The following VAT1 variants were observed in gnomAD, a reference collection of about 807,000 sequenced individuals.
The protein encoded by VAT1 is NADPH-dependent quinone oxidoreductase VAT1.
VAT1 carries 24 observed loss-of-function variants against 33.3 expected under a neutral mutation model. The ratio of observed to expected loss-of-function variants is 0.72; its 90% CI spans 0.52 to 1.01. VAT1 has a LOEUF of 1.01. Among genes scored for constraint, VAT1 ranks in the 50% least tolerant of loss-of-function variants. The pLI is 0.00. For missense variants in VAT1, 436 were observed against 533.7 expected, an observed-to-expected ratio of 0.82 and a Z score of 1.80; for synonymous variants, 212 against 225.0, an observed-to-expected ratio of 0.94 and a Z score of 0.52.
Position 43,016,467 on chromosome 17 carries a change from GC to G in VAT1, c.937del (p.Ala313LeufsTer59). The G allele has an allele frequency of 6.2e-7, 1 of 1,614,224 alleles. No homozygotes were observed. The highest frequency in any genetic ancestry group is 8.5e-7 in the Non-Finnish European group (1 of 1,180,044). ...CCGGTTGGCCTGCAGCAGCTGCAGAGCTGTCACGCTGAACTGATTCCACCAT... is the reference window on the plus strand; with the variant it reads ...CCGGTTGGCCTGCAGCAGCTGCAGAGTGTCACGCTGAACTGATTCCACCAT... Reference protein sequence around the residue: ...RTWWNQFSVTALQLLQANRAV... With the variant: ...RTWWNQFSVTXLQLLQANRAV... On this transcript the variant is annotated frameshift_variant, in exon 5 of 6. Coordinates refer to ENST00000355653, the MANE Select transcript of VAT1 (RefSeq NM_006373.4). LOFTEE classifies it high-confidence loss of function.
At chr17:43,020,245 C>T (rs2050555315) in intron 1 of VAT1, 1 of 985,340 alleles carries the variant, frequency 1.0e-6, no homozygotes, top group Non-Finnish European at 1.2e-6. Flanking sequence ...AAGGGCCCTC[C>T]CCGCAGAATC....
In VAT1 at chr17:43,016,398, T is replaced by C. The variant is rs1398928872; in HGVS notation, c.1007A>G (p.Glu336Gly). The C allele has an allele frequency of 3.7e-6, 6 of 1,613,878 alleles. No individual in the cohort carries two copies. Among genetic ancestry groups the C allele is most frequent in the Non-Finnish European group, 5.1e-6 (6 of 1,180,022 alleles). Residue 336 changes from glutamate (E) to glycine (G), a missense_variant, in exon 5 of 6, where the codon GAG (glutamate) becomes GGG (glycine). This residue lies in a region of VAT1 where 282 missense variants were observed against 405.4 expected (regional missense o/e 0.70). Transcript: ENST00000355653. ...FHLGYLDGEV[E>G]LVSGVVARLL... ...GCGGGCCACCACACCACTGACCAGC[T>C]CCACCTCACCATCCAGGTAGCCCAG... is the stretch of plus-strand genomic sequence containing the variant.
At chr17:43,020,979 GCT>G (rs2050562358) in intron 1 of VAT1, among the ~76,000 whole-genome samples, 1 of 151,970 alleles carries the variant, frequency 6.6e-6, no homozygotes, top group South Asian at 2.1e-4. Flanking sequence ...ATCATTTTGA[GCT>G]CTCTGGTGTC....
In VAT1 at chr17:43,020,569, G is replaced by A. The variant is rs144246732; in HGVS notation, c.387+1367C>T. On this transcript the variant is annotated intron_variant, in intron 1 of 5. Transcript: ENST00000355653. ...CTGCATCTGTGGGGCCTCTCATTGA[G>A]GGGTCTGATTTAAAAAGGAAACTCC... Among the ~76,000 whole-genome samples the A allele has an allele frequency of 4.6e-5, 7 of 152,160 alleles. No individual in the cohort carries two copies. The East Asian group carries it at 1.4e-3, about 29-fold the overall frequency.
intron 2 of VAT1, 138 bp from the exon 3 acceptor site, chr17:43,018,344 T>C: frequency 7.1e-6 from 8 of 1,130,516 alleles, no homozygotes; most frequent in Non-Finnish European, 9.9e-6. Context: ...TTTCCATGAC[T>C]GAGAAGTGGT....
At chr17:43,020,700 A>G (rs1211556339) in intron 1 of VAT1, among the ~76,000 whole-genome samples, 1 of 151,952 alleles carries the variant, frequency 6.6e-6, no homozygotes, top group Non-Finnish European at 1.5e-5. Flanking sequence ...CGACATGGAG[A>G]AACCCATCTC....
intron 1 of VAT1, among the ~76,000 whole-genome samples, chr17:43,020,895 AG>A (rs1213891380): frequency 2.7e-5 from 4 of 148,978 alleles, no homozygotes; most frequent in Admixed American, 6.6e-5. Context: ...AAAAAAAAAA[AG>A]AAAAAGAAAA....
intron 4 of VAT1, 41 bp downstream of exon 4, chr17:43,017,800 T>A: frequency 1.3e-6 from 2 of 1,577,148 alleles, no homozygotes; most frequent in Non-Finnish European, 1.7e-6. Context: ...CCCTCCCTCC[T>A]GCCCTCACAT....
chr17:43,021,975 A>T lies in VAT1; in HGVS notation c.348T>A (p.Gly116=), dbSNP rs749475602. 2 of 1,609,812 alleles carry T rather than the reference A, an allele frequency of 1.2e-6. No individual in the cohort carries two copies. The highest frequency in any genetic ancestry group is 4.5e-5 in the East Asian group (2 of 44,814). Residue 116 remains glycine, a synonymous_variant, in exon 1 of 6, where the codon GGT becomes GGA. Coordinates refer to ENST00000355653, the MANE Select transcript of VAT1 (RefSeq NM_006373.4). ...CTCCCTCGCCCACTGCGATCACAAC[A>T]CCCGCGCCCTCCATGCCCGGAGTGA... ...LPVTPGMEGA[G]VVIAVGEGVS...
At chr17:43,020,358 T>G (rs2050556268) in intron 1 of VAT1, 2 of 914,572 alleles carry the variant, frequency 2.2e-6, no homozygotes, top group Non-Finnish European at 2.6e-6. Flanking sequence ...AGCAGTAACA[T>G]GAACTACAAC....
At chr17:43,021,599 G>A (rs957967212) in intron 1 of VAT1, among the ~76,000 whole-genome samples, 1 of 76,728 alleles carries the variant, frequency 1.3e-5, no homozygotes, top group Middle Eastern at 8.2e-3. Context: ...TACAGGTGTG[G>A]TTTTAATGGG....
At position 43,016,468 on chromosome 17, in the gene VAT1, C is replaced by G. The variant is rs375005390; in HGVS notation, c.937G>C (p.Ala313Pro). Residue 313 changes from alanine (A) to proline (P), a missense_variant, in exon 5 of 6, where the codon GCT (alanine) becomes CCT (proline). Around this residue, in one of 2 missense-constraint regions of VAT1, gnomAD observed 282 missense variants for 405.4 expected, o/e 0.70. Transcript: ENST00000355653. ...RTWWNQFSVT[A>P]LQLLQANRAV... ...CGGTTGGCCTGCAGCAGCTGCAGAG[C>G]TGTCACGCTGAACTGATTCCACCAT... is the stretch of plus-strand genomic sequence containing the variant. 9.3e-6 allele frequency: 15 copies of G among 1,614,206 alleles called. No homozygotes were observed. The highest frequency in any genetic ancestry group is 1.3e-5 in the Non-Finnish European group (15 of 1,180,036).
In VAT1 at chr17:43,014,722, G is replaced by C. The variant is rs1329467881; in HGVS notation, c.*1339C>G. 6.4e-6 allele frequency: 1 copy of C among 156,318 alleles called. No homozygotes were observed. Among genetic ancestry groups the C allele is most frequent in the Non-Finnish European group, 1.4e-5 (1 of 70,606 alleles). 9.7% of individuals were successfully genotyped at this position (156,318 alleles called of 1,614,324 possible). On this transcript the variant is annotated 3_prime_UTR_variant, in exon 6 of 6. Coordinates refer to ENST00000355653, the MANE Select transcript of VAT1 (RefSeq NM_006373.4). ...CATTTAGGCCTCATTTAGACAATGAGGAGGCTGAGCCTGTCCCTCCACCTC... is the reference window on the plus strand; with the variant it reads ...CATTTAGGCCTCATTTAGACAATGACGAGGCTGAGCCTGTCCCTCCACCTC...
rs1396331545 is a variant in VAT1 at position 43,022,170 on chromosome 17, T to C, written c.153A>G (p.Leu51=). 6.4e-7 allele frequency: 1 copy of C among 1,559,206 alleles called. No individual in the cohort carries two copies. The change falls in exon 1 of 6, where the codon CTA becomes CTG. Residue 51 remains leucine (L), a synonymous_variant. Transcript: ENST00000355653. ...AAASPPLLRC[L]VLTGFGGYDK... ...CGTAGCCTCCAAAGCCGGTGAGCAC[T>C]AGGCAGCGCAGCAGTGGCGGCGAGG...
rs1265058419 is a variant in VAT1, at chr17:43,022,381, G to C, written c.-59C>G. 1 of 1,451,446 alleles carries C rather than the reference G, an allele frequency of 6.9e-7. No individual in the cohort carries two copies. 89.9% of individuals were successfully genotyped at this position (1,451,446 alleles called of 1,614,324 possible). On this transcript the variant is annotated 5_prime_UTR_variant, in exon 1 of 6. Transcript: ENST00000355653. ...TGGAGAGTGCACAGCTGGGGAAGGC[G>C]GAACGCGTCGGGAAGAGCCGCGGCT...
At position 43,020,099 on chromosome 17, in the gene VAT1, G is replaced by T. The variant is rs1017356403; in HGVS notation, c.388-1300C>A. 4.2e-5 allele frequency: 41 copies of T among 985,290 alleles called. No homozygotes were observed. The African/African-American group carries it at 6.3e-4, about 15-fold the overall frequency. 61.0% of individuals were successfully genotyped at this position (985,290 alleles called of 1,614,324 possible). A position where few individuals can be genotyped will look rare whatever the true frequency, so the allele number is the denominator to read the frequency against. On this transcript the variant is annotated intron_variant, in intron 1 of 5. Coordinates refer to ENST00000355653, the MANE Select transcript of VAT1 (RefSeq NM_006373.4). ...GCGAGGAGTGCATTGGTCATTTAGGGTCATGGCCAGTCCCAGATTTGACCC... is the reference window on the plus strand; with the variant it reads ...GCGAGGAGTGCATTGGTCATTTAGGTTCATGGCCAGTCCCAGATTTGACCC...
chr17:43,016,033 G>A lies in VAT1; in HGVS notation c.*28C>T. The A allele has an allele frequency of 6.2e-7, 1 of 1,611,738 alleles. No individual in the cohort carries two copies. The highest frequency in any genetic ancestry group is 1.1e-5 in the South Asian group (1 of 90,948). On this transcript the variant is annotated 3_prime_UTR_variant, in exon 6 of 6. Transcript: ENST00000355653. The stretch of plus-strand genomic sequence containing the variant: ...TAGCTTCCCAACTTCTCCCTTCGCT[G>A]GTCTCTAGGGTCTCACAGCCACTTG...
At position 43,018,918 on chromosome 17, in the gene VAT1, T is replaced by C. The variant is rs2050543431; in HGVS notation, c.388-119A>G. 3.5e-6 allele frequency: 3 copies of C among 866,928 alleles called. No individual in the cohort carries two copies. The South Asian group carries it at 5.1e-5, about 15-fold the overall frequency. The allele number at this position is 866,928 out of a possible 1,614,324, so 53.7% of individuals were successfully genotyped here. On this transcript the variant is annotated intron_variant, in intron 1 of 5. Transcript: ENST00000355653. ...AATGAAGTAGCAGGAGAAGCAGCAA[T>C]AGTCATGGTAATAATAATAATAATA... is the stretch of plus-strand genomic sequence containing the variant.
chr17:43,017,593 A>G lies in VAT1; in HGVS notation c.856+248T>C, dbSNP rs202221230. ...GCGAAACTCCATCTCAAAAAAAAAAAAAAAAAAAAAAGAATGTAGAATTTA... is the reference window on the plus strand; with the variant it reads ...GCGAAACTCCATCTCAAAAAAAAAAGAAAAAAAAAAAGAATGTAGAATTTA... On this transcript the variant is annotated intron_variant, in intron 4 of 5. Coordinates refer to ENST00000355653, the MANE Select transcript of VAT1 (RefSeq NM_006373.4). Among the ~76,000 whole-genome samples the G allele has an allele frequency of 4.4e-4, 67 of 151,832 alleles. 1 individual carries two copies. In the East Asian group the frequency reaches 0.011, roughly 26 times the overall value.
Sources: gnomAD v4.1 joint callset for allele counts (sites outside exome capture counted in the v4.1 genomes callset) on GRCh38, gnomAD v4.1.1 for gene constraint, gnomAD v4.1.1 regional missense constraint, MANE v1.5 for transcripts, NCBI Gene and HGNC (gene_info 2026-07-23, HGNC 2026-07-21) for gene names.